The following TGFBR3 variants were observed in gnomAD, a reference collection of about 807,000 sequenced individuals.
The protein encoded by TGFBR3 is transforming growth factor beta receptor type 3.
Under a neutral mutation model 87.9 loss-of-function variants are expected in TGFBR3, and 46 were observed. That is an observed-to-expected ratio of 0.52 (90% confidence interval 0.41 to 0.67). The LOEUF (loss-of-function observed/expected upper bound fraction) is 0.67, where lower values mean the gene tolerates loss of function less well. Ranked by LOEUF, TGFBR3 falls within the 30% of genes least tolerant of loss-of-function variation. The probability of loss-of-function intolerance (pLI) is 0.00; values close to 1 mark genes in which losing one functional copy is unlikely to be tolerated. For missense variants in TGFBR3, 866 were observed against 1,041.9 expected, an observed-to-expected ratio of 0.83 and a Z score of 2.32; for synonymous variants, 381 against 391.6, an observed-to-expected ratio of 0.97 and a Z score of 0.32.
intron 4 of TGFBR3, among the ~76,000 whole-genome samples, chr1:91,747,102 T>C (rs1399834569): frequency 1.3e-5 from 2 of 152,318 alleles, no homozygotes; most frequent in East Asian, 3.9e-4. Flanking sequence ...TTAGATAAAG[T>C]GCCAGATTAC....
At chr1:91,870,430 G>A (rs926632939) in intron 1 of TGFBR3, among the ~76,000 whole-genome samples, 3 of 152,280 alleles carry the variant, frequency 2.0e-5, no homozygotes, top group African/African-American at 7.2e-5. Flanking sequence ...AAGGCTCAAC[G>A]ACTGGCCCAG....
chr1:91,900,793 C>G (rs1261616339), intron 1 of TGFBR3, among the ~76,000 whole-genome samples: 1 of 152,208 alleles, frequency 6.6e-6, no homozygotes, highest in East Asian at 1.9e-4. Context: ...CTCAAAGTAT[C>G]AAAGACTAAA....
chr1:91,862,717 C>G (rs917836265), intron 1 of TGFBR3, among the ~76,000 whole-genome samples: 1 of 152,188 alleles, frequency 6.6e-6, no homozygotes, highest in African/African-American at 2.4e-5. Context: ...ATGTACTGAG[C>G]ATTTACTATG....
At chr1:91,747,884 T>C (rs1673399544) in intron 4 of TGFBR3, among the ~76,000 whole-genome samples, 1 of 152,222 alleles carries the variant, frequency 6.6e-6, no homozygotes, top group Non-Finnish European at 1.5e-5. Flanking sequence ...AAGGCCTCCC[T>C]GCGGACTTTG....
chr1:91,846,397 C>G (rs1677501597), intron 2 of TGFBR3, among the ~76,000 whole-genome samples: 1 of 152,304 alleles, frequency 6.6e-6, no homozygotes. Context: ...AACTTCCTGG[C>G]ACTCACAAGG....
intron 7 of TGFBR3, 91 bp downstream of exon 7, chr1:91,727,568 G>A: frequency 1.3e-6 from 2 of 1,524,388 alleles, no homozygotes; most frequent in Admixed American, 3.4e-5. Context: ...AGTCCAAAGA[G>A]GCAGGAACTT....
intron 12 of TGFBR3, among the ~76,000 whole-genome samples, chr1:91,712,936 A>G (rs1350860173): frequency 1.3e-5 from 2 of 152,266 alleles, no homozygotes; most frequent in Non-Finnish European, 2.9e-5. Flanking sequence ...TACAACACTT[A>G]TAAGCTAAGC....
At chr1:91,898,347 C>A (rs1679597209) in intron 2 of TGFBR3, among the ~76,000 whole-genome samples, 1 of 141,768 alleles carries the variant, frequency 7.1e-6, no homozygotes, top group African/African-American at 2.5e-5. Context: ...CAATGCCCAC[C>A]AAGGAGAAAA....
intron 14 of TGFBR3, among the ~76,000 whole-genome samples, chr1:91,699,447 T>TTTTTTTTC (rs1466152024): frequency 6.8e-6 from 1 of 146,718 alleles, no homozygotes; most frequent in African/African-American, 2.5e-5. Context: ...TTTTTTTTTT[T>TTTTTTTTC]TTTTTTTGCT....
At chr1:91,697,440 T>C (rs1180528953) in intron 15 of TGFBR3, among the ~76,000 whole-genome samples, 1 of 152,176 alleles carries the variant, frequency 6.6e-6, no homozygotes, top group Non-Finnish European at 1.5e-5. Context: ...CAACATTATC[T>C]AGAAGAGCTC....
At chr1:91,875,756 C>T (rs369166663) in intron 1 of TGFBR3, among the ~76,000 whole-genome samples, 2 of 118,878 alleles carry the variant, frequency 1.7e-5, no homozygotes, top group Non-Finnish European at 3.2e-5. Context: ...GGCATGGTGG[C>T]GCACACCTGT....
intron 3 of TGFBR3, among the ~76,000 whole-genome samples, chr1:91,762,683 T>C (rs1419781652): frequency 6.6e-6 from 1 of 152,262 alleles, no homozygotes; most frequent in East Asian, 1.9e-4. Context: ...ACATCCCTTA[T>C]GTAACACCAT....
intron 4 of TGFBR3, among the ~76,000 whole-genome samples, chr1:91,747,447 A>G (rs879265595): frequency 6.6e-6 from 1 of 152,196 alleles, no homozygotes; most frequent in Non-Finnish European, 1.5e-5. Context: ...TTCCCCAGCA[A>G]TCTCAGGAGC....
intron 1 of TGFBR3, among the ~76,000 whole-genome samples, chr1:91,881,390 G>A (rs1447362894): frequency 6.6e-6 from 1 of 152,126 alleles, no homozygotes; most frequent in Non-Finnish European, 1.5e-5. Flanking sequence ...AAAAACAATG[G>A]AACAACACTT....
At chr1:91,892,686 C>T (rs550086440) in intron 2 of TGFBR3, among the ~76,000 whole-genome samples, 6 of 152,278 alleles carry the variant, frequency 3.9e-5, no homozygotes, top group Admixed American at 2.6e-4. Context: ...ATCTCATCCT[C>T]GGATCATCAT....
At position 91,873,173 on chromosome 1, in the gene TGFBR3, G is replaced by A. The variant is rs377680890; in HGVS notation, c.-113-11529C>T. On this transcript the variant is annotated intron_variant, in intron 1 of 16. Coordinates refer to ENST00000212355, the MANE Select transcript of TGFBR3 (RefSeq NM_003243.5). ...TTTTATGGAGATGGGGTCTCACTAT[G>A]TTATCCAGGCTAATCTTGAATTCTT... Among the ~76,000 whole-genome samples, 3 of 151,412 alleles carry A rather than the reference G, an allele frequency of 2.0e-5. No individual in the cohort carries two copies. The East Asian group carries it at 5.8e-4, about 29-fold the overall frequency.
intron 14 of TGFBR3, among the ~76,000 whole-genome samples, chr1:91,701,196 A>G (rs1001243394): frequency 2.6e-5 from 4 of 152,088 alleles, no homozygotes; most frequent in Non-Finnish European, 4.4e-5. Flanking sequence ...CTTCTCACAG[A>G]GCTAAACAGA....
chr1:91,873,376 A>G (rs898159838), intron 1 of TGFBR3, among the ~76,000 whole-genome samples: 2 of 137,422 alleles, frequency 1.5e-5, no homozygotes, highest in African/African-American at 5.5e-5. Flanking sequence ...TCTCCCTCCC[A>G]GGTTTAAGCA....
intron 10 of TGFBR3, among the ~76,000 whole-genome samples, chr1:91,718,327 T>C (rs1323412315): frequency 1.3e-5 from 2 of 152,208 alleles, no homozygotes; most frequent in Non-Finnish European, 2.9e-5. Context: ...CTTGGGTTCA[T>C]GGGAGAGTCA....
Sources: gnomAD v4.1 joint callset for allele counts (sites outside exome capture counted in the v4.1 genomes callset) on GRCh38, gnomAD v4.1.1 for gene constraint, MANE v1.5 for transcripts, NCBI Gene and HGNC (gene_info 2026-07-23, HGNC 2026-07-21) for gene names.